CIT: variants seen among roughly 807,000 people sequenced by gnomAD.
CIT encodes the protein citron Rho-interacting kinase.
A neutral mutation model predicts 272.7 loss-of-function variants in CIT; 79 were observed. The observed-to-expected ratio is 0.29, with a 90% CI of 0.24 to 0.35. CIT has a LOEUF of 0.35. CIT is among the 10% of genes least tolerant of loss of function. CIT has a pLI of 1.00. For missense variants in CIT, 1,909 were observed against 2,618.3 expected (o/e 0.73, Z 5.91); for synonymous variants, 948 against 995.6 (o/e 0.95, Z 0.90).
intron 7 of CIT, among the ~76,000 whole-genome samples, chr12:119,827,516 C>A (rs1182038984): frequency 2.0e-5 from 3 of 151,914 alleles, no homozygotes; most frequent in Non-Finnish European, 4.4e-5. Flanking sequence ...CAGCTCACTG[C>A]AACCTCCTCC....
intron 19 of CIT, 138 bp from the exon 20 acceptor site, chr12:119,761,193 G>A: frequency 8.3e-6 from 6 of 719,570 alleles, no homozygotes; most frequent in African/African-American, 3.6e-5. Flanking sequence ...CTGGGGCAAA[G>A]AGAAGGCAAA....
chr12:119,825,302 C>G lies in CIT; in HGVS notation c.820G>C (p.Gly274Arg). 1.2e-6 allele frequency: 2 copies of G among 1,614,114 alleles called. No homozygotes were observed. The highest frequency in any genetic ancestry group is 8.5e-7 in the Non-Finnish European group (1 of 1,180,010). ...MAPEVLTVMNGDGKGTYGLDC... is the reference protein window; with the variant it reads ...MAPEVLTVMNRDGKGTYGLDC... ...AGGCCGTAGGTGCCTTTTCCATCCC[C>G]GTTCATCACAGTCAGCACTTCAGGA... Residue 274 changes from glycine to arginine, a missense_variant, in exon 8 of 48, where the codon GGG (glycine) becomes CGG (arginine). By Grantham distance (125) the Gly-to-Arg change is moderately radical. Coordinates refer to ENST00000392521, the MANE Select transcript of CIT (RefSeq NM_001206999.2).
intron 28 of CIT, among the ~76,000 whole-genome samples, chr12:119,727,612 A>T (rs1424133800): frequency 6.6e-6 from 1 of 152,212 alleles, no homozygotes; most frequent in Admixed American, 6.5e-5. Context: ...GAAATAAAAA[A>T]ATCTTTTAAA....
At chr12:119,844,355 T>C (rs576602239) in intron 5 of CIT, among the ~76,000 whole-genome samples, 1 of 152,134 alleles carries the variant, frequency 6.6e-6, no homozygotes, top group East Asian at 1.9e-4. Flanking sequence ...ACACCCTCAG[T>C]AGGGTCTGGG....
intron 2 of CIT, 111 bp from the exon 3 acceptor site, chr12:119,869,312 A>G: frequency 1.0e-6 from 1 of 995,222 alleles, no homozygotes; most frequent in Non-Finnish European, 1.5e-6. Context: ...TGCTCACGAC[A>G]TGCTAACAGC....
chr12:119,742,704 T>A (rs2137321388), intron 23 of CIT: 1 of 370,940 alleles, frequency 2.7e-6, no homozygotes, highest in East Asian at 4.1e-5. Flanking sequence ...CCTGTACAAA[T>A]ATTTTTAACA....
intron 5 of CIT, among the ~76,000 whole-genome samples, chr12:119,836,411 C>G (rs1000775139): frequency 6.6e-6 from 1 of 151,828 alleles, no homozygotes; most frequent in Non-Finnish European, 1.5e-5. Flanking sequence ...CACCCCAGTC[C>G]TCGAGGAGCC....
intron 28 of CIT, among the ~76,000 whole-genome samples, chr12:119,724,496 G>C (rs1314624761): frequency 2.0e-5 from 3 of 152,326 alleles, no homozygotes; most frequent in South Asian, 4.1e-4. Flanking sequence ...CAAAGTCATT[G>C]TAAGTATTTA....
rs758273739 is a variant in CIT, at chr12:119,701,931, A to T, written c.5332T>A (p.Cys1778Ser). Residue 1778 changes from cysteine to serine, a missense_variant, in exon 42 of 48, where the codon TGT becomes AGT. This residue lies in a region of CIT where 780 missense variants were observed against 1,067.2 expected (regional missense o/e 0.73). Coordinates refer to ENST00000392521, the MANE Select transcript of CIT (RefSeq NM_001206999.2). Reference protein sequence around the residue: ...KEIETSEPCSCIHFTNYSILI... With the variant: ...KEIETSEPCSSIHFTNYSILI... The stretch of plus-strand genomic sequence containing the variant: ...ATACTGTAATTGGTGAAGTGGATAC[A>T]GCTGCAGGGCTCTGAGGTCTCTATC... 6.2e-7 allele frequency: 1 copy of T among 1,613,834 alleles called. No homozygotes were observed. The highest frequency in any genetic ancestry group is 8.5e-7 in the Non-Finnish European group (1 of 1,179,856).
intron 24 of CIT, 84 bp downstream of exon 24, chr12:119,742,327 C>T (rs1035317410): frequency 2.8e-5 from 27 of 952,384 alleles, no homozygotes; most frequent in African/African-American, 5.0e-5. Flanking sequence ...AACTCAGTCA[C>T]CAATATTTTA....
Position 119,713,237 on chromosome 12 carries a change from T to C in CIT, c.4545A>G (p.Ser1515=). ...WDRKYIVLEG[S]KVLIYDNEAR... Reference sequence around the variant, plus strand: ...CTTCATTGTCATAAATGAGGACTTTTGATCCCTCCAGGACAATGTACTTCC... The same window carrying C: ...CTTCATTGTCATAAATGAGGACTTTCGATCCCTCCAGGACAATGTACTTCC... The change falls in exon 35 of 48, where the codon TCA becomes TCG. Residue 1515 remains serine, a synonymous_variant. Transcript: ENST00000392521. The surrounding 1 kb of genome is among the most constrained non-coding windows in gnomAD (Gnocchi z 5.2). The C allele has an allele frequency of 1.2e-6, 2 of 1,614,064 alleles. No homozygotes were observed. The highest frequency in any genetic ancestry group is 2.2e-5 in the East Asian group (1 of 44,882).
At chr12:119,698,163 A>C in intron 44 of CIT, 109 bp from the exon 45 acceptor site, 1 of 916,102 alleles carries the variant, frequency 1.1e-6, no homozygotes, top group Non-Finnish European at 1.8e-6. Flanking sequence ...GTGTAAAGCA[A>C]CTCACCCAAC....
Position 119,794,886 on chromosome 12 carries a change from A to G in CIT, c.1295+8320T>C, listed in dbSNP as rs553652241. Among the ~76,000 whole-genome samples, 5 of 152,256 alleles carry G rather than the reference A, an allele frequency of 3.3e-5. No individual in the cohort carries two copies. The East Asian group carries it at 9.6e-4, about 29-fold the overall frequency. ...AGTGTGCTTCATATCCCCATGGCAA[A>G]CCTATCAGATAGGCGACCTTACACC... On this transcript the variant is annotated intron_variant, in intron 10 of 47. Transcript: ENST00000392521.
At chr12:119,855,860 A>G (rs963978162) in intron 4 of CIT, among the ~76,000 whole-genome samples, 1 of 152,114 alleles carries the variant, frequency 6.6e-6, no homozygotes, top group African/African-American at 2.4e-5. Flanking sequence ...CATCAAAAAC[A>G]TAAGCATCAC....
intron 46 of CIT, among the ~76,000 whole-genome samples, chr12:119,691,689 G>A (rs936260141): frequency 5.9e-5 from 9 of 152,120 alleles, no homozygotes; most frequent in Admixed American, 2.6e-4. Context: ...CTCCTGGCCT[G>A]GATATTTCAA....
chr12:119,697,610 C>T lies in CIT; in HGVS notation c.5882+49G>A. On this transcript the variant is annotated intron_variant, in intron 46 of 47. Transcript: ENST00000392521. This position sits in a 1 kb window ranked among gnomAD's most constrained non-coding sequence, Gnocchi z 4.9. ...TTTAGTATCACTTCCTTCTGCCTTG[C>T]AGAAAAGCACGTTGCCCCTGGTACT... The T allele has an allele frequency of 6.3e-7, 1 of 1,575,020 alleles. No individual in the cohort carries two copies. The highest frequency in any genetic ancestry group is 1.2e-5 in the South Asian group (1 of 86,742).
intron 44 of CIT, chr12:119,699,640 G>A (rs1037759835): frequency 1.2e-4 from 42 of 353,740 alleles, no homozygotes; most frequent in Non-Finnish European, 2.0e-4. Context: ...GCCACCAGCC[G>A]CAGCTAAGCG....
chr12:119,804,183 G>A lies in CIT; in HGVS notation c.1112-794C>T, dbSNP rs1024866732. ...CCTACCTCCTCAGGGCTTCACTCCC[G>A]GCTGGGGGCGTGTTACATCCTCTCC... On this transcript the variant is annotated intron_variant, in intron 9 of 47. Coordinates refer to ENST00000392521, the MANE Select transcript of CIT (RefSeq NM_001206999.2). The surrounding 1 kb of genome is among the most constrained non-coding windows in gnomAD (Gnocchi z 5.3). 3 of 985,476 alleles carry A rather than the reference G, an allele frequency of 3.0e-6. No homozygotes were observed. The highest frequency in any genetic ancestry group is 2.4e-6 in the Non-Finnish European group (2 of 830,028). 61.0% of individuals were successfully genotyped at this position (985,476 alleles called of 1,614,324 possible). A position where few individuals can be genotyped will look rare whatever the true frequency, so the allele number is the denominator to read the frequency against.
chr12:119,726,018 G>A (rs1475885919), intron 28 of CIT, among the ~76,000 whole-genome samples: 1 of 151,370 alleles, frequency 6.6e-6, no homozygotes, highest in Non-Finnish European at 1.5e-5. Context: ...ATACGTGTGT[G>A]TGTGTGTGTG....
Sources: allele counts gnomAD v4.1 joint callset (sites outside exome capture counted in the v4.1 genomes callset), GRCh38; gene constraint gnomAD v4.1.1; regional missense constraint gnomAD v4.1.1; non-coding constraint Gnocchi (gnomAD v3.1); transcripts MANE v1.5; gene names NCBI Gene and HGNC (gene_info 2026-07-23, HGNC 2026-07-21).